The following HHAT variants were observed in gnomAD, a reference collection of about 807,000 sequenced individuals.
HHAT encodes the protein protein-cysteine N-palmitoyltransferase HHAT.
A neutral mutation model predicts 70.8 loss-of-function variants in HHAT; 47 were observed. That is an observed-to-expected ratio of 0.66 (90% confidence interval 0.53 to 0.85). HHAT has a LOEUF of 0.85. Among genes scored for constraint, HHAT ranks in the 40% least tolerant of loss-of-function variants. The pLI, the probability that HHAT is intolerant of heterozygous loss-of-function variation, is 0.00. For missense variants in HHAT, 609 were observed against 604.8 expected, an observed-to-expected ratio of 1.01 and a Z score of -0.07; for synonymous variants, 228 against 247.6, an observed-to-expected ratio of 0.92 and a Z score of 0.74.
At position 210,386,222 on chromosome 1, in the gene HHAT, C is replaced by CTTTTTTCTTTTTTTTTTTTTT. The variant is rs1558409107; in HGVS notation, c.160-1240_160-1239insCTTTTTTTTTTTTTTTTTTTT. Among the ~76,000 whole-genome samples, 22 of 69,884 alleles carry CTTTTTTCTTTTTTTTTTTTTT rather than the reference C, an allele frequency of 3.1e-4. 4 individuals carry two copies. The highest frequency in any genetic ancestry group is 1.2e-3 in the African/African-American group (22 of 18,724). The allele number at this position is 69,884 out of a possible 152,430, so 45.8% of individuals were successfully genotyped here. A position where few individuals can be genotyped will look rare whatever the true frequency, so the allele number is the denominator to read the frequency against. On this transcript the variant is annotated intron_variant, in intron 3 of 11. Coordinates refer to ENST00000261458, the MANE Select transcript of HHAT (RefSeq NM_018194.6). Reference sequence around the variant, plus strand: ...CAGTGGTCATTGCAGGAGTCCTTTTCTTTTTTTCTTTTTTTTTTTTTTTTT... The same window carrying CTTTTTTCTTTTTTTTTTTTTT: ...CAGTGGTCATTGCAGGAGTCCTTTTCTTTTTTCTTTTTTTTTTTTTTTTTTTTTCTTTTTTTTTTTTTTTTT...
At position 210,554,198 on chromosome 1, in the gene HHAT, A is replaced by C. The variant is rs749193528; in HGVS notation, c.1044-33700A>C. 1.3e-5 allele frequency among the ~76,000 whole-genome samples: 2 copies of C among 152,140 alleles called. 1 individual carries two copies. Among genetic ancestry groups the C allele is most frequent in the Non-Finnish European group, 2.9e-5 (2 of 68,026 alleles). On this transcript the variant is annotated intron_variant, in intron 9 of 11. Transcript: ENST00000261458. ...GCATGAGGGCGCACATTATTGTATAATGAAAGTTTTGTTCACTGCTGCATC... is the reference window on the plus strand; with the variant it reads ...GCATGAGGGCGCACATTATTGTATACTGAAAGTTTTGTTCACTGCTGCATC...
At chr1:210,487,394 G>T (rs947243292) in intron 8 of HHAT, among the ~76,000 whole-genome samples, 2 of 152,156 alleles carry the variant, frequency 1.3e-5, no homozygotes, top group African/African-American at 4.8e-5. Flanking sequence ...GAGCTTCTCC[G>T]TGGACTTCAC....
intron 3 of HHAT, among the ~76,000 whole-genome samples, chr1:210,364,654 C>G (rs1439749424): frequency 2.6e-5 from 4 of 152,236 alleles, no homozygotes; most frequent in Non-Finnish European, 5.9e-5. Context: ...GTTGCTACTT[C>G]CAGACAAAGC....
chr1:210,646,140 T>A (rs866146993), intron 11 of HHAT, among the ~76,000 whole-genome samples: 8 of 152,226 alleles, frequency 5.3e-5, no homozygotes, highest in Admixed American at 2.6e-4. Context: ...TTTGTATACT[T>A]TGCACGGAGT....
chr1:210,540,366 G>T (rs2095415301), intron 9 of HHAT, among the ~76,000 whole-genome samples: 1 of 152,122 alleles, frequency 6.6e-6, no homozygotes, highest in East Asian at 1.9e-4. Context: ...ATGTTGCCTT[G>T]AGAGAAAACT....
chr1:210,645,366 C>T (rs1221902873), intron 11 of HHAT, among the ~76,000 whole-genome samples: 2 of 152,166 alleles, frequency 1.3e-5, no homozygotes, highest in Non-Finnish European at 2.9e-5. Context: ...CAAGCTCTGC[C>T]CCCCGGGTTC....
intron 2 of HHAT, among the ~76,000 whole-genome samples, chr1:210,361,494 CTT>C (rs1413453667): frequency 1.3e-5 from 2 of 152,040 alleles, no homozygotes; most frequent in Admixed American, 6.6e-5. Context: ...AAGCCCCTCT[CTT>C]TTCTGTTGTT....
chr1:210,646,383 T>C (rs891065595), intron 11 of HHAT, among the ~76,000 whole-genome samples: 2 of 152,206 alleles, frequency 1.3e-5, no homozygotes, highest in Non-Finnish European at 2.9e-5. Context: ...TGTTTTCTAA[T>C]CTCCAAAGGA....
chr1:210,462,950 A>T (rs2094009897), intron 7 of HHAT: 1 of 152,218 alleles, frequency 6.6e-6, no homozygotes, highest in Non-Finnish European at 1.5e-5. Flanking sequence ...GGTCTGCCAC[A>T]TCGACATGTC....
At position 210,594,480 on chromosome 1, in the gene HHAT, T is replaced by C. The variant is rs557990546; in HGVS notation, c.1245+6381T>C. Among the ~76,000 whole-genome samples, 20 of 152,296 alleles carry C rather than the reference T, an allele frequency of 1.3e-4. No individual in the cohort carries two copies. The South Asian group carries it at 4.2e-3, about 32-fold the overall frequency. On this transcript the variant is annotated intron_variant, in intron 10 of 11. Transcript: ENST00000261458. ...CTTTGTTTGCACTGCTTTTAACTTTTTGTTGTTTTTGTTTATGTCTCATTG... is the reference window on the plus strand; with the variant it reads ...CTTTGTTTGCACTGCTTTTAACTTTCTGTTGTTTTTGTTTATGTCTCATTG...
At chr1:210,373,785 A>G (rs1316729609) in intron 3 of HHAT, among the ~76,000 whole-genome samples, 3 of 152,222 alleles carry the variant, frequency 2.0e-5, no homozygotes, top group African/African-American at 7.2e-5. Flanking sequence ...AGGTAGATAG[A>G]TAATAGAATG....
At chr1:210,426,759 T>G (rs114570675) in intron 7 of HHAT, among the ~76,000 whole-genome samples, 4,934 of 152,176 alleles carry the variant, frequency 0.032, 185 homozygotes, top group East Asian at 0.22. Flanking sequence ...TTTTGTTGAG[T>G]ATTTTTGCAT....
chr1:210,525,469 C>T (rs6688831), intron 9 of HHAT, among the ~76,000 whole-genome samples: 62,281 of 151,990 alleles, frequency 0.41, 13,267 homozygotes, highest in Middle Eastern at 0.48. Context: ...AGGGCCTTGA[C>T]GATTATGTTC....
intron 10 of HHAT, among the ~76,000 whole-genome samples, chr1:210,606,450 A>G (rs1459225725): frequency 6.6e-6 from 1 of 151,590 alleles, no homozygotes; most frequent in Non-Finnish European, 1.5e-5. Flanking sequence ...GAACTAGAAA[A>G]TCTCTCAGAT....
At chr1:210,418,594 G>T (rs1288917685) in intron 7 of HHAT, among the ~76,000 whole-genome samples, 2 of 152,066 alleles carry the variant, frequency 1.3e-5, no homozygotes, top group Non-Finnish European at 1.5e-5. Context: ...ACCTTAGCTG[G>T]GTCCACATCT....
chr1:210,557,793 G>A (rs1393280972), intron 9 of HHAT, among the ~76,000 whole-genome samples: 1 of 152,160 alleles, frequency 6.6e-6, no homozygotes, highest in East Asian at 1.9e-4. Context: ...GGGAATTCTG[G>A]GAGATACAAT....
chr1:210,585,952 C>T (rs895037796), intron 9 of HHAT, among the ~76,000 whole-genome samples: 4 of 151,978 alleles, frequency 2.6e-5, no homozygotes, highest in African/African-American at 9.7e-5. Flanking sequence ...GTGGGGGGTT[C>T]GTTCTAAACT....
At chr1:210,380,007 A>G (rs906212156) in intron 3 of HHAT, among the ~76,000 whole-genome samples, 2 of 152,186 alleles carry the variant, frequency 1.3e-5, no homozygotes, top group African/African-American at 4.8e-5. Context: ...AAGGCATTCT[A>G]GGGCAGATAC....
intron 7 of HHAT, among the ~76,000 whole-genome samples, chr1:210,455,083 C>T (rs1233092678): frequency 6.6e-6 from 1 of 152,182 alleles, no homozygotes; most frequent in East Asian, 1.9e-4. Flanking sequence ...AATTTTCATG[C>T]AGCTGTTGAA....
Sources: gnomAD v4.1 joint callset for allele counts (sites outside exome capture counted in the v4.1 genomes callset) on GRCh38, gnomAD v4.1.1 for gene constraint, MANE v1.5 for transcripts, NCBI Gene and HGNC (gene_info 2026-07-23, HGNC 2026-07-21) for gene names.